Variants in PDE12 observed in about 807,000 individuals in gnomAD.
PDE12 encodes phosphodiesterase 12, also known as 2',5'-phosphodiesterase 12.
A neutral mutation model predicts 45.4 loss-of-function variants in PDE12; 26 were observed. The ratio of observed to expected loss-of-function variants is 0.57; its 90% CI spans 0.42 to 0.79. The LOEUF (loss-of-function observed/expected upper bound fraction) is 0.79. PDE12 is among the 30% of genes least tolerant of loss of function. The pLI is 0.00. For missense variants in PDE12, 668 were observed against 790.0 expected (o/e 0.85, Z 1.85); for synonymous variants, 283 against 323.9 (o/e 0.87, Z 1.36).
the PDE12 span, among the ~76,000 whole-genome samples, chr3:57,629,173 G>A: frequency 1.3e-5 from 2 of 152,160 alleles, no homozygotes; most frequent in African/African-American, 4.8e-5. Flanking sequence ...AGCTCAAACT[G>A]TAACAGTAAC....
chr3:57,563,634 CACA>C lies in PDE12; in HGVS notation c.*3634_*3636del, dbSNP rs1417296535. The C allele has an allele frequency of 1.3e-5, 2 of 152,236 alleles. No individual in the cohort carries two copies. The highest frequency in any genetic ancestry group is 2.4e-5 in the African/African-American group (1 of 41,432). 9.4% of individuals were successfully genotyped at this position (152,236 alleles called of 1,614,324 possible). A position where few individuals can be genotyped will look rare whatever the true frequency, so the allele number is the denominator to read the frequency against. On this transcript the variant is annotated 3_prime_UTR_variant, in exon 3 of 3. Transcript: ENST00000311180. Reference sequence around the variant, plus strand: ...AGGCATAGTGGCTCTTGACTGTAATCACAACATTTTGGGAGGCTGAGGCAGGAG... The same window carrying C: ...AGGCATAGTGGCTCTTGACTGTAATCACATTTTGGGAGGCTGAGGCAGGAG...
chr3:57,605,165 A>G, the PDE12 span, among the ~76,000 whole-genome samples: 2 of 152,186 alleles, frequency 1.3e-5, no homozygotes, highest in African/African-American at 2.4e-5. Context: ...AATGTGTCCA[A>G]GTTGCAGCAC....
chr3:57,648,571 CA>C, the PDE12 span, among the ~76,000 whole-genome samples: 1 of 152,046 alleles, frequency 6.6e-6, no homozygotes, highest in East Asian at 1.9e-4. Flanking sequence ...TAAGACTAAG[CA>C]AAAAGAACAA....
At chr3:57,623,960 C>T in the PDE12 span, among the ~76,000 whole-genome samples, 1 of 152,084 alleles carries the variant, frequency 6.6e-6, no homozygotes, top group East Asian at 1.9e-4. Context: ...GCATGATTAT[C>T]AAACAACAAA....
At chr3:57,592,344 G>C in the PDE12 span, among the ~76,000 whole-genome samples, 7 of 152,006 alleles carry the variant, frequency 4.6e-5, no homozygotes, top group Middle Eastern at 3.2e-3. Context: ...AAAATTAGCC[G>C]GGCATGGTGG....
At chr3:57,634,261 C>T in the PDE12 span, among the ~76,000 whole-genome samples, 106 of 131,066 alleles carry the variant, frequency 8.1e-4, no homozygotes, top group Non-Finnish European at 1.4e-3. Context: ...GGTGAAACCC[C>T]GTCTCTACTA....
the PDE12 span, among the ~76,000 whole-genome samples, chr3:57,610,468 C>T: frequency 6.6e-6 from 1 of 152,056 alleles, no homozygotes; most frequent in African/African-American, 2.4e-5. Context: ...GATGACATGA[C>T]TGTATATTTA....
At chr3:57,598,052 GC>G in the PDE12 span, 1 of 152,204 alleles carries the variant, frequency 6.6e-6, no homozygotes, top group South Asian at 2.1e-4. Flanking sequence ...TAAAGAGAAG[GC>G]AAGGAGGAAG....
the PDE12 span, among the ~76,000 whole-genome samples, chr3:57,583,072 C>T: frequency 2.0e-5 from 3 of 152,128 alleles, no homozygotes; most frequent in East Asian, 5.8e-4. Context: ...AGAGCCCTCC[C>T]CATACCCAAC....
At chr3:57,607,043 C>T in the PDE12 span, among the ~76,000 whole-genome samples, 60 of 152,222 alleles carry the variant, frequency 3.9e-4, no homozygotes, top group African/African-American at 1.1e-3. Context: ...CCCTCTGAGA[C>T]GAAGCTTCCA....
At chr3:57,571,884 C>CTT in the PDE12 span, 38 of 221,720 alleles carry the variant, frequency 1.7e-4, 1 homozygote, top group South Asian at 3.8e-3. Flanking sequence ...AAGGGGATAA[C>CTT]TTTAAAACAT....
the PDE12 span, among the ~76,000 whole-genome samples, chr3:57,598,372 CAGTA>C: frequency 1.3e-5 from 2 of 152,142 alleles, no homozygotes; most frequent in African/African-American, 4.8e-5. Context: ...CTTTCAGAAA[CAGTA>C]AGTTATTTTT....
Position 57,561,629 on chromosome 3 carries a change from G to T in PDE12, c.*1625G>T. ...AGGATAACTATGTTATCTCATTTCTGCATTTAATTAATAGCTCGAGTATTA... is the reference window on the plus strand; with the variant it reads ...AGGATAACTATGTTATCTCATTTCTTCATTTAATTAATAGCTCGAGTATTA... On this transcript the variant is annotated 3_prime_UTR_variant, in exon 3 of 3. Transcript: ENST00000311180. 1.0e-6 allele frequency: 1 copy of T among 985,042 alleles called. No homozygotes were observed. The highest frequency in any genetic ancestry group is 1.2e-6 in the Non-Finnish European group (1 of 829,768). 61.0% of individuals were successfully genotyped at this position (985,042 alleles called of 1,614,324 possible).
chr3:57,614,032 A>C, the PDE12 span, among the ~76,000 whole-genome samples: 1 of 152,140 alleles, frequency 6.6e-6, no homozygotes, highest in Non-Finnish European at 1.5e-5. Flanking sequence ...TATCAGATAA[A>C]GTAGATTTTA....
the PDE12 span, among the ~76,000 whole-genome samples, chr3:57,576,587 A>G: frequency 1.3e-5 from 2 of 149,682 alleles, no homozygotes; most frequent in African/African-American, 4.9e-5. Flanking sequence ...TTAGTTACAC[A>G]TATACTGGCA....
chr3:57,561,615 G>C lies in PDE12; in HGVS notation c.*1611G>C. 5.1e-6 allele frequency: 5 copies of C among 985,160 alleles called. No homozygotes were observed. The highest frequency in any genetic ancestry group is 6.0e-6 in the Non-Finnish European group (5 of 829,802). The allele number at this position is 985,160 out of a possible 1,614,324, so 61.0% of individuals were successfully genotyped here. ...CTTTTTTGATGTTCAGGATAACTATGTTATCTCATTTCTGCATTTAATTAA... is the reference window on the plus strand; with the variant it reads ...CTTTTTTGATGTTCAGGATAACTATCTTATCTCATTTCTGCATTTAATTAA... On this transcript the variant is annotated 3_prime_UTR_variant, in exon 3 of 3. Coordinates refer to ENST00000311180, the MANE Select transcript of PDE12 (RefSeq NM_177966.7).
chr3:57,606,556 A>G, the PDE12 span, among the ~76,000 whole-genome samples: 11,376 of 152,238 alleles, frequency 0.075, 1,455 homozygotes, highest in African/African-American at 0.26. Context: ...AAGATTAAGT[A>G]TAATAGTGTA....
At chr3:57,578,744 G>A in the PDE12 span, among the ~76,000 whole-genome samples, 2 of 152,198 alleles carry the variant, frequency 1.3e-5, no homozygotes, top group African/African-American at 4.8e-5. Context: ...CTCCCAAAGT[G>A]TTGGGATTAC....
At chr3:57,586,024 G>GA in the PDE12 span, among the ~76,000 whole-genome samples, 1 of 151,776 alleles carries the variant, frequency 6.6e-6, no homozygotes, top group African/African-American at 2.4e-5. Flanking sequence ...GTTTGCTTGT[G>GA]AAAAAAAATC....
Sources: allele counts gnomAD v4.1 joint callset (sites outside exome capture counted in the v4.1 genomes callset), GRCh38; gene constraint gnomAD v4.1.1; transcripts MANE v1.5; gene names NCBI Gene and HGNC (gene_info 2026-07-23, HGNC 2026-07-21).